Variants in HOXA13 observed in about 807,000 individuals in gnomAD.
HOXA13 encodes homeobox A13, also known as homeobox protein Hox-A13.
HOXA13 carries 5 observed loss-of-function variants against 25.7 expected under a neutral mutation model. That is an observed-to-expected ratio of 0.19 (90% CI 0.10 to 0.41). HOXA13 has a LOEUF of 0.41. Ranked by LOEUF, HOXA13 falls within the 10% of genes least tolerant of loss-of-function variation. HOXA13 has a pLI of 1.00. For missense variants in HOXA13, 557 were observed against 533.5 expected (o/e 1.04, Z -0.43); for synonymous variants, 284 against 241.1 (o/e 1.18, Z -1.65).
At position 27,194,868 on chromosome 7, in the gene HOXA13, G is replaced by C. The variant is rs913444021; in HGVS notation, c.*3330C>G. 9 of 152,234 alleles carry C rather than the reference G, an allele frequency of 5.9e-5. No homozygotes were observed. Among genetic ancestry groups the C allele is most frequent in the Admixed American group, 5.9e-4 (9 of 15,288 alleles). 9.4% of individuals were successfully genotyped at this position (152,234 alleles called of 1,614,324 possible). On this transcript the variant is annotated 3_prime_UTR_variant, in exon 2 of 2. Coordinates refer to ENST00000649031, the MANE Select transcript of HOXA13 (RefSeq NM_000522.5). ...TGCTGTTGGCCTCCTTCCTAGGCTC[G>C]AGGCTCAGAATATTTCTTACATCTA...
rs1221887615 is a variant in HOXA13, at chr7:27,199,835, C to CGCCGCCGCAGCCGCG, written c.228_242dup (p.Ala80_Ala84dup). 1 of 988,948 alleles carries CGCCGCCGCAGCCGCG rather than the reference C, an allele frequency of 1.0e-6. No individual in the cohort carries two copies. Among genetic ancestry groups the CGCCGCCGCAGCCGCG allele is most frequent in the Non-Finnish European group, 1.2e-6 (1 of 833,158 alleles). The allele number at this position is 988,948 out of a possible 1,614,324, so 61.3% of individuals were successfully genotyped here. On this transcript the variant is annotated inframe_insertion, in exon 1 of 2. Transcript: ENST00000649031. ...GGTTGCGGCACTGGTTGGCCGCGGC[C>CGCCGCCGCAGCCGCG]GCCGCCGCAGCCGCGGCCGCCGCCG... is the stretch of plus-strand genomic sequence containing the variant.
In HOXA13 at chr7:27,200,039, C is replaced by T; in HGVS notation, c.39G>A (p.Glu13=). ...ASVLLHPRWI[E]PTVMFLYDNG... is the part of the protein sequence containing the mutation. ...TGTCGTAGAGAAACATGACGGTGGG[C>T]TCGATCCAGCGGGGGTGGAGGAGCA... Residue 13 remains glutamate, a synonymous_variant, in exon 1 of 2, where the codon GAG becomes GAA. Coordinates refer to ENST00000649031, the MANE Select transcript of HOXA13 (RefSeq NM_000522.5). 6.7e-7 allele frequency: 1 copy of T among 1,483,832 alleles called. No homozygotes were observed. Among genetic ancestry groups the T allele is most frequent in the Non-Finnish European group, 9.1e-7 (1 of 1,102,286 alleles). The allele number at this position is 1,483,832 out of a possible 1,614,324, so 91.9% of individuals were successfully genotyped here.
Position 27,198,302 on chromosome 7 carries a change from T to C in HOXA13, c.1063A>G (p.Ile355Val). 2 of 1,614,252 alleles carry C rather than the reference T, an allele frequency of 1.2e-6. No homozygotes were observed. Among genetic ancestry groups the C allele is most frequent in the East Asian group, 4.5e-5 (2 of 44,896 alleles). The change falls in exon 2 of 2, where the codon ATA (isoleucine) becomes GTA (valine). Residue 355 changes from isoleucine (I) to valine (V), a missense_variant. By Grantham distance (29) the Ile-to-Val change is conservative. Transcript: ENST00000649031. ...KFITKDKRRR[I>V]SATTNLSERQ... ...TCAGAGAGATTCGTCGTGGCTGATA[T>C]CCGCCTCCGTTTGTCCTTAGTAATG...
At position 27,199,947 on chromosome 7, in the gene HOXA13, G is replaced by C. The variant is rs763619574; in HGVS notation, c.131C>G (p.Ala44Gly). 1 of 1,309,886 alleles carries C rather than the reference G, an allele frequency of 7.6e-7. No homozygotes were observed. Among genetic ancestry groups the C allele is most frequent in the African/African-American group, 1.5e-5 (1 of 65,020 alleles). 81.1% of individuals were successfully genotyped at this position (1,309,886 alleles called of 1,614,324 possible). A position where few individuals can be genotyped will look rare whatever the true frequency, so the allele number is the denominator to read the frequency against. The change falls in exon 1 of 2, where the codon GCG becomes GGG. Residue 44 changes from alanine (A) to glycine (G), a missense_variant. Transcript: ENST00000649031. ...NMEGAAAAAA[A>G]AAAAAAAGAG... ...CCCGGCAGCCGCCGCCGCTGCAGCC[G>C]CTGCTGCAGCCGCCGCCGCCCCTTC...
Position 27,199,542 on chromosome 7 carries a change from T to A in HOXA13, c.536A>T (p.Tyr179Phe). The change falls in exon 1 of 2, where the codon TAC becomes TTC. Residue 179 changes from tyrosine to phenylalanine, a missense_variant. Transcript: ENST00000649031. ...GTGCGGGCCCATGCGGGCGCACGGG[T>A]AGTAGCCGCTGCCGAAGTAGCCATA... is the stretch of plus-strand genomic sequence containing the variant. The part of the protein sequence containing the change: ...LPYGYFGSGY[Y>F]PCARMGPHPN... 1.9e-6 allele frequency: 3 copies of A among 1,575,846 alleles called. No homozygotes were observed. The highest frequency in any genetic ancestry group is 2.6e-6 in the Non-Finnish European group (3 of 1,162,524).
Position 27,197,001 on chromosome 7 carries a change from T to C in HOXA13, c.*1197A>G. ...CAGGTGCACAAATACATTTTCACAGTGTGCTGAATGTCTTTATTTACAAGA... is the reference window on the plus strand; with the variant it reads ...CAGGTGCACAAATACATTTTCACAGCGTGCTGAATGTCTTTATTTACAAGA... On this transcript the variant is annotated 3_prime_UTR_variant, in exon 2 of 2. Transcript: ENST00000649031. 5.1e-6 allele frequency: 1 copy of C among 195,316 alleles called. No individual in the cohort carries two copies. The highest frequency in any genetic ancestry group is 8.1e-5 in the East Asian group (1 of 12,402). The allele number at this position is 195,316 out of a possible 1,614,324, so 12.1% of individuals were successfully genotyped here. A position where few individuals can be genotyped will look rare whatever the true frequency, so the allele number is the denominator to read the frequency against.
At position 27,199,307 on chromosome 7, in the gene HOXA13, G is replaced by A; in HGVS notation, c.771C>T (p.Gly257=). The A allele has an allele frequency of 6.2e-7, 1 of 1,614,072 alleles. No homozygotes were observed. Among genetic ancestry groups the A allele is most frequent in the Non-Finnish European group, 8.5e-7 (1 of 1,180,008 alleles). ...PGYLDMPVVP[G]LGGPGESRHE... ...GGCGCGACTCGCCGGGGCCCCCGAG[G>A]CCCGGCACCACTGGCATATCCAGGT... The change falls in exon 1 of 2, where the codon GGC becomes GGT. Residue 257 remains glycine (G), a synonymous_variant. Coordinates refer to ENST00000649031, the MANE Select transcript of HOXA13 (RefSeq NM_000522.5).
Position 27,199,196 on chromosome 7 carries a change from C to T in HOXA13, c.882G>A (p.Glu294=). The change falls in exon 1 of 2, where the codon GAG becomes GAA. Residue 294 remains glutamate (E), a synonymous_variant. Coordinates refer to ENST00000649031, the MANE Select transcript of HOXA13 (RefSeq NM_000522.5). ...TCCAGAGGTGGGGAGGCTGCGCCTG[C>T]TCTTTGGGGCAGTACATTTGGCCGT... ...GWNGQMYCPK[E]QAQPPHLWKS... 1 of 1,612,696 alleles carries T rather than the reference C, an allele frequency of 6.2e-7. No individual in the cohort carries two copies. Among genetic ancestry groups the T allele is most frequent in the Non-Finnish European group, 8.5e-7 (1 of 1,179,312 alleles).
Position 27,195,745 on chromosome 7 carries a change from A to G in HOXA13, c.*2453T>C, listed in dbSNP as rs1171324014. 3.3e-5 allele frequency: 5 copies of G among 152,204 alleles called. No homozygotes were observed. Among genetic ancestry groups the G allele is most frequent in the Admixed American group, 3.3e-4 (5 of 15,276 alleles). The allele number at this position is 152,204 out of a possible 1,614,324, so 9.4% of individuals were successfully genotyped here. The stretch of plus-strand genomic sequence containing the variant: ...ATCCTGTGGTCATTTTGTAGATATG[A>G]AATATTAAGTCCTCTTTACTGACCT... On this transcript the variant is annotated 3_prime_UTR_variant, in exon 2 of 2. Transcript: ENST00000649031.
chr7:27,197,706 A>G lies in HOXA13; in HGVS notation c.*492T>C, dbSNP rs1784019490. 3 of 248,118 alleles carry G rather than the reference A, an allele frequency of 1.2e-5. No homozygotes were observed. Among genetic ancestry groups the G allele is most frequent in the Admixed American group, 5.0e-5 (1 of 20,108 alleles). The allele number at this position is 248,118 out of a possible 1,614,324, so 15.4% of individuals were successfully genotyped here. On this transcript the variant is annotated 3_prime_UTR_variant, in exon 2 of 2. Coordinates refer to ENST00000649031, the MANE Select transcript of HOXA13 (RefSeq NM_000522.5). ...TAAATCTATACATAAAATGTTTTGCAGAACGTACAACAACGGTAGGAATTT... is the reference window on the plus strand; with the variant it reads ...TAAATCTATACATAAAATGTTTTGCGGAACGTACAACAACGGTAGGAATTT...
Position 27,197,071 on chromosome 7 carries a change from A to G in HOXA13, c.*1127T>C, listed in dbSNP as rs969824733. The G allele has an allele frequency of 4.9e-6, 1 of 205,544 alleles. No individual in the cohort carries two copies. The highest frequency in any genetic ancestry group is 7.5e-5 in the East Asian group (1 of 13,400). 12.7% of individuals were successfully genotyped at this position (205,544 alleles called of 1,614,324 possible). On this transcript the variant is annotated 3_prime_UTR_variant, in exon 2 of 2. Coordinates refer to ENST00000649031, the MANE Select transcript of HOXA13 (RefSeq NM_000522.5). The stretch of plus-strand genomic sequence containing the variant: ...TGAACAAAACGAATGTGCTGGTTGA[A>G]ATAACTGCTTGATTAAAAATGTGCT...
chr7:27,198,107 A>G lies in HOXA13; in HGVS notation c.*91T>C. On this transcript the variant is annotated 3_prime_UTR_variant, in exon 2 of 2. Transcript: ENST00000649031. ...GTCTCTTTCTCTTTCCCATTCTTCA[A>G]TTATTATTAAGCATTATTATCATTA... is the stretch of plus-strand genomic sequence containing the variant. 1 of 1,370,372 alleles carries G rather than the reference A, an allele frequency of 7.3e-7. No individual in the cohort carries two copies. 84.9% of individuals were successfully genotyped at this position (1,370,372 alleles called of 1,614,324 possible).
chr7:27,199,679 C>CGCG lies in HOXA13; in HGVS notation c.396_398dup (p.Ala133dup), dbSNP rs955237055. On this transcript the variant is annotated inframe_insertion, in exon 1 of 2. Coordinates refer to ENST00000649031, the MANE Select transcript of HOXA13 (RefSeq NM_000522.5). ...CCGGGCCGGGACCTCCCGAGGACGA[C>CGCG]GCGGCGGCGGCGGCGGCGGCTGCAG... 542 of 1,160,852 alleles carry CGCG rather than the reference C, an allele frequency of 4.7e-4. No individual in the cohort carries two copies. The highest frequency in any genetic ancestry group is 5.2e-4 in the Non-Finnish European group (495 of 944,634). 71.9% of individuals were successfully genotyped at this position (1,160,852 alleles called of 1,614,324 possible).
rs1054660907 is a variant in HOXA13 at position 27,197,133 on chromosome 7, A to G, written c.*1065T>C. On this transcript the variant is annotated 3_prime_UTR_variant, in exon 2 of 2. Coordinates refer to ENST00000649031, the MANE Select transcript of HOXA13 (RefSeq NM_000522.5). The stretch of plus-strand genomic sequence containing the variant: ...TCACTAATCTTTCTAATGCACTCTG[A>G]TAACACAATAAACATGGAAAAATAC... 1 of 207,942 alleles carries G rather than the reference A, an allele frequency of 4.8e-6. No homozygotes were observed. The highest frequency in any genetic ancestry group is 2.3e-5 in the African/African-American group (1 of 43,966). The allele number at this position is 207,942 out of a possible 1,614,324, so 12.9% of individuals were successfully genotyped here.
chr7:27,198,489 CCAGGGCATAGGCG>C, intron 1 of HOXA13, 47 bp from the exon 2 acceptor site: 1 of 1,610,284 alleles, frequency 6.2e-7, no homozygotes, highest in Non-Finnish European at 8.5e-7. Flanking sequence ...CGGACCCCAG[CCAGGGCATAGGCG>C]ACAGCTCGAT....
chr7:27,197,384 C>A lies in HOXA13; in HGVS notation c.*814G>T, dbSNP rs536208312. 3 of 214,702 alleles carry A rather than the reference C, an allele frequency of 1.4e-5. No homozygotes were observed. Among genetic ancestry groups the A allele is most frequent in the African/African-American group, 6.7e-5 (3 of 44,504 alleles). The allele number at this position is 214,702 out of a possible 1,614,324, so 13.3% of individuals were successfully genotyped here. On this transcript the variant is annotated 3_prime_UTR_variant, in exon 2 of 2. Transcript: ENST00000649031. ...CGGGAGATCTCACATAAAGTGAATTCTGTGGATCATCTGATGATGTAAACA... is the reference window on the plus strand; with the variant it reads ...CGGGAGATCTCACATAAAGTGAATTATGTGGATCATCTGATGATGTAAACA...
In HOXA13 at chr7:27,196,251, T is replaced by C. The variant is rs914467093; in HGVS notation, c.*1947A>G. The C allele has an allele frequency of 1.3e-5, 2 of 152,180 alleles. No individual in the cohort carries two copies. The highest frequency in any genetic ancestry group is 6.5e-5 in the Admixed American group (1 of 15,282). 9.4% of individuals were successfully genotyped at this position (152,180 alleles called of 1,614,324 possible). A position where few individuals can be genotyped will look rare whatever the true frequency, so the allele number is the denominator to read the frequency against. Reference sequence around the variant, plus strand: ...TACATATATACAGGGACATGTATAATTTACATATATTCAAATTTGCTCCAG... The same window carrying C: ...TACATATATACAGGGACATGTATAACTTACATATATTCAAATTTGCTCCAG... On this transcript the variant is annotated 3_prime_UTR_variant, in exon 2 of 2. Transcript: ENST00000649031.
In HOXA13 at chr7:27,195,216, C is replaced by T. The variant is rs919977740; in HGVS notation, c.*2982G>A. 1 of 152,172 alleles carries T rather than the reference C, an allele frequency of 6.6e-6. No individual in the cohort carries two copies. The highest frequency in any genetic ancestry group is 1.5e-5 in the Non-Finnish European group (1 of 68,022). The allele number at this position is 152,172 out of a possible 1,614,324, so 9.4% of individuals were successfully genotyped here. A position where few individuals can be genotyped will look rare whatever the true frequency, so the allele number is the denominator to read the frequency against. On this transcript the variant is annotated 3_prime_UTR_variant, in exon 2 of 2. Transcript: ENST00000649031. ...TTTGAGACAGCTTTAGAGACTCTTT[C>T]GTAATTCTCATCTATAAAGAAGTTG... is the stretch of plus-strand genomic sequence containing the variant.
At position 27,197,516 on chromosome 7, in the gene HOXA13, TA is replaced by T. The variant is rs1249819377; in HGVS notation, c.*681del. 1 of 212,352 alleles carries T rather than the reference TA, an allele frequency of 4.7e-6. No homozygotes were observed. Among genetic ancestry groups the T allele is most frequent in the Admixed American group, 5.9e-5 (1 of 17,020 alleles). 13.2% of individuals were successfully genotyped at this position (212,352 alleles called of 1,614,324 possible). On this transcript the variant is annotated 3_prime_UTR_variant, in exon 2 of 2. Transcript: ENST00000649031. ...GTTATAAGCAATTAAAAATTATTCT[TA>T]AAAAGACATTACCGACCCGGGTTCT... is the stretch of plus-strand genomic sequence containing the variant.
Sources: allele counts gnomAD v4.1 joint callset, GRCh38; gene constraint gnomAD v4.1.1; transcripts MANE v1.5; gene names NCBI Gene and HGNC (gene_info 2026-07-23, HGNC 2026-07-21).